CARD8: variants seen among roughly 807,000 people sequenced by gnomAD.
The protein encoded by CARD8 is caspase recruitment domain family member 8.
CARD8 carries 38 observed loss-of-function variants against 53.2 expected under a neutral mutation model. That is an observed-to-expected ratio of 0.71 (90% confidence interval 0.55 to 0.94). The LOEUF (loss-of-function observed/expected upper bound fraction) is 0.94, where lower values mean the gene tolerates loss of function less well. Ranked by LOEUF, CARD8 falls within the 40% of genes least tolerant of loss-of-function variation. The pLI, the probability that CARD8 is intolerant of heterozygous loss-of-function variation, is 0.00. For synonymous variants in CARD8, 245 were observed against 244.9 expected, an observed-to-expected ratio of 1.00 and a Z score of 0.00; for missense variants, 561 against 655.5, an observed-to-expected ratio of 0.86 and a Z score of 1.57.
Position 48,234,406 on chromosome 19 carries a change from G to A in CARD8, c.347C>T (p.Pro116Leu). 6.2e-7 allele frequency: 1 copy of A among 1,608,560 alleles called. No individual in the cohort carries two copies. Among genetic ancestry groups the A allele is most frequent in the South Asian group, 1.1e-5 (1 of 90,438 alleles). ...CCAACGGAATAGCTTTTCTTACCTG[G>A]GAATGTCCCCCCCAGATAGTTGACA... ...PECQLSGGDI[P>L]SVSEEQESSE... is the part of the protein sequence containing the mutation. The change falls in exon 6 of 14, where the codon CCC (proline) becomes CTC (leucine). Residue 116 changes from proline to leucine, a missense_variant. Transcript: ENST00000651546.
intron 11 of CARD8, among the ~76,000 whole-genome samples, chr19:48,220,954 A>AAGGAACG (rs10638078): frequency 2.0e-5 from 2 of 101,270 alleles, no homozygotes; most frequent in Non-Finnish European, 3.9e-5. Flanking sequence ...AAAGGAAAGG[A>AAGGAACG]AAGGAAGGAA....
At chr19:48,233,256 C>T (rs962085575) in intron 6 of CARD8, 2 of 448,820 alleles carry the variant, frequency 4.5e-6, no homozygotes, top group African/African-American at 4.0e-5. Context: ...GAAACCTGCC[C>T]TAACACAGGT....
At chr19:48,242,102 T>G (rs1738906091) in intron 3 of CARD8, among the ~76,000 whole-genome samples, 1 of 152,206 alleles carries the variant, frequency 6.6e-6, no homozygotes, top group Non-Finnish European at 1.5e-5. Flanking sequence ...ACCGAATGTA[T>G]GTGTCCACCC....
chr19:48,253,611 A>G (rs1600788738), intron 1 of CARD8, among the ~76,000 whole-genome samples: 1 of 152,324 alleles, frequency 6.6e-6, no homozygotes, highest in East Asian at 1.9e-4. Context: ...AGAATGCAAG[A>G]TGACTATCTG....
chr19:48,205,103 G>A (rs2037294269), downstream of CARD8, among the ~76,000 whole-genome samples: 1 of 152,194 alleles, frequency 6.6e-6, no homozygotes, highest in South Asian at 2.1e-4. Context: ...AGGAGGAGCT[G>A]GGGATAGTCA....
Position 48,210,130 on chromosome 19 carries a change from C to A in CARD8, c.*1580G>T. ...CTTGAAATCTGACAGAAAAATGACACACTACATACAGGGAAACAACAATTT... is the reference window on the plus strand; with the variant it reads ...CTTGAAATCTGACAGAAAAATGACAAACTACATACAGGGAAACAACAATTT... On this transcript the variant is annotated 3_prime_UTR_variant, in exon 14 of 14. Coordinates refer to ENST00000651546, the MANE Select transcript of CARD8 (RefSeq NM_001184900.3). The A allele has an allele frequency of 6.6e-6, 1 of 152,148 alleles. No homozygotes were observed. The allele number at this position is 152,148 out of a possible 1,614,324, so 9.4% of individuals were successfully genotyped here.
At chr19:48,204,182 A>G (rs760662656), downstream of CARD8, 3 of 455,846 alleles carry the variant, frequency 6.6e-6, no homozygotes, top group South Asian at 4.6e-5. Flanking sequence ...TTCGGTCTCC[A>G]TGGTTACGAG....
Position 48,215,369 on chromosome 19 carries a change from A to G in CARD8, c.1319T>C (p.Val440Ala), listed in dbSNP as rs2145430216. Reference sequence around the variant, plus strand: ...GAAAGGAGGAGGGGCTGATGCAGCTACAAGCTGGAGATCCACTACAAAAGA... The same window carrying G: ...GAAAGGAGGAGGGGCTGATGCAGCTGCAAGCTGGAGATCCACTACAAAAGA... ...TEVKPVDLQLVAASAPPPFSG... is the reference protein window; with the variant it reads ...TEVKPVDLQLAAASAPPPFSG... The change falls in exon 13 of 14, where the codon GTA becomes GCA. Residue 440 changes from valine to alanine, a missense_variant. Val to Ala is a moderately conservative substitution (Grantham distance 64). Transcript: ENST00000651546. 1.2e-6 allele frequency: 2 copies of G among 1,611,180 alleles called. No homozygotes were observed. Among genetic ancestry groups the G allele is most frequent in the Non-Finnish European group, 8.5e-7 (1 of 1,177,478 alleles).
rs61047810 is a variant in CARD8 at position 48,208,983 on chromosome 19, CAAAAAA to C, written c.*2721_*2726del. 7 of 48,142 alleles carry C rather than the reference CAAAAAA, an allele frequency of 1.5e-4. No individual in the cohort carries two copies. The highest frequency in any genetic ancestry group is 5.3e-4 in the African/African-American group (6 of 11,314). The allele number at this position is 48,142 out of a possible 1,614,324, so 3.0% of individuals were successfully genotyped here. A position where few individuals can be genotyped will look rare whatever the true frequency, so the allele number is the denominator to read the frequency against. ...TAGATGACAGAGCGAGACTCCATCT[CAAAAAA>C]AAAAAAAAAAAAAAAAAAATACTCA... On this transcript the variant is annotated 3_prime_UTR_variant, in exon 14 of 14. Coordinates refer to ENST00000651546, the MANE Select transcript of CARD8 (RefSeq NM_001184900.3).
intron 3 of CARD8, among the ~76,000 whole-genome samples, chr19:48,248,281 G>A (rs1045663448): frequency 1.1e-4 from 17 of 152,106 alleles, no homozygotes; most frequent in African/African-American, 3.9e-4. Flanking sequence ...CCCGGAGGCC[G>A]AGGTGGGAGG....
At chr19:48,207,739 T>TTGTTTTTTTTTTG (rs2037444996), downstream of CARD8, among the ~76,000 whole-genome samples, 3 of 97,088 alleles carry the variant, frequency 3.1e-5, no homozygotes, top group African/African-American at 1.0e-4. Context: ...TTTCTGTTTT[T>TTGTTTTTTTTTTG]TTTTTTTTTT....
intron 11 of CARD8, among the ~76,000 whole-genome samples, chr19:48,220,243 T>C (rs1475706834): frequency 6.6e-6 from 1 of 152,230 alleles, no homozygotes; most frequent in Non-Finnish European, 1.5e-5. Flanking sequence ...TATTAAATTC[T>C]TATGCTCTAG....
intron 1 of CARD8, chr19:48,255,531 TGAGA>T (rs1330950825): frequency 1.2e-4 from 18 of 152,186 alleles, no homozygotes; most frequent in African/African-American, 4.1e-4. Context: ...AAATTGAGTG[TGAGA>T]GAGATTATTA....
chr19:48,242,945 T>C (rs1456316846), intron 3 of CARD8, among the ~76,000 whole-genome samples: 1 of 152,162 alleles, frequency 6.6e-6, no homozygotes, highest in Non-Finnish European at 1.5e-5. Flanking sequence ...TTCTAGTACA[T>C]GTAAAGTGAT....
rs778805584 is a variant in CARD8, at chr19:48,238,531, C to T, written c.61G>A (p.Asp21Asn). ...TCTATGTTCCTACTGGATCCACTGT[C>T]CCTGGGAAAACACAAATGGAATTGG... ...SSSEEELPRR[D>N]SGSSRNIDAS... Residue 21 changes from aspartate (D) to asparagine (N), a missense_variant and splice_region_variant, in exon 5 of 14, where the codon GAC becomes AAC. By Grantham distance (23) the Asp-to-Asn change is conservative. Coordinates refer to ENST00000651546, the MANE Select transcript of CARD8 (RefSeq NM_001184900.3). 7.8e-6 allele frequency: 12 copies of T among 1,536,202 alleles called. No homozygotes were observed. Among genetic ancestry groups the T allele is most frequent in the Non-Finnish European group, 1.0e-5 (12 of 1,146,908 alleles).
intron 3 of CARD8, among the ~76,000 whole-genome samples, chr19:48,247,736 T>G (rs1051243868): frequency 1.4e-5 from 2 of 145,290 alleles, no homozygotes; most frequent in African/African-American, 5.2e-5. Context: ...TATACTATAC[T>G]TTCATGACAC....
rs2037949046 is a variant in CARD8, at chr19:48,211,422, T to TAA, written c.*287_*288insTT. ...ACACCTATCCGGATGTCCTTTATCC[T>TAA]GGGTCTTCAAGAATCATGTCAATGG... On this transcript the variant is annotated 3_prime_UTR_variant, in exon 14 of 14. Coordinates refer to ENST00000651546, the MANE Select transcript of CARD8 (RefSeq NM_001184900.3). 9.5e-6 allele frequency: 3 copies of TAA among 317,454 alleles called. No homozygotes were observed. In the South Asian group the frequency reaches 1.3e-4, roughly 14 times the overall value. 19.7% of individuals were successfully genotyped at this position (317,454 alleles called of 1,614,324 possible). A position where few individuals can be genotyped will look rare whatever the true frequency, so the allele number is the denominator to read the frequency against.
At chr19:48,250,833 G>A (rs993572779) in intron 1 of CARD8, among the ~76,000 whole-genome samples, 1 of 152,156 alleles carries the variant, frequency 6.6e-6, no homozygotes, top group East Asian at 1.9e-4. Context: ...GTATTATTTT[G>A]TTAGGAGCTG....
chr19:48,214,781 T>C (rs1204968455), intron 13 of CARD8, among the ~76,000 whole-genome samples: 610 of 52,832 alleles, frequency 0.012, 38 homozygotes, highest in African/African-American at 0.033. Context: ...TTTTTTTTTT[T>C]TTTTTTTTTT....
Sources: allele counts gnomAD v4.1 joint callset (sites outside exome capture counted in the v4.1 genomes callset), GRCh38; gene constraint gnomAD v4.1.1; transcripts MANE v1.5; gene names NCBI Gene and HGNC (gene_info 2026-07-23, HGNC 2026-07-21).